EXOC6B: variants seen among roughly 807,000 people sequenced by gnomAD.
EXOC6B encodes the protein exocyst complex component 6B.
EXOC6B carries 54 observed loss-of-function variants against 113.5 expected under a neutral mutation model. The ratio of observed to expected loss-of-function variants is 0.48; its 90% CI spans 0.38 to 0.60. EXOC6B has a LOEUF of 0.60. EXOC6B is among the 20% of genes least tolerant of loss of function. The pLI is 0.00. For missense variants in EXOC6B, 797 were observed against 977.5 expected (o/e 0.82, Z 2.46); for synonymous variants, 357 against 339.0 (o/e 1.05, Z -0.58).
At chr2:72,627,468 C>G (rs1156561533) in intron 6 of EXOC6B, among the ~76,000 whole-genome samples, 1 of 152,108 alleles carries the variant, frequency 6.6e-6, no homozygotes, top group Non-Finnish European at 1.5e-5. Context: ...AGTATTCCAT[C>G]CATATAAATC....
chr2:72,477,011 C>T (rs905278802), intron 17 of EXOC6B, among the ~76,000 whole-genome samples: 7 of 152,128 alleles, frequency 4.6e-5, no homozygotes, highest in African/African-American at 1.7e-4. Context: ...GAACCTCATC[C>T]TCTTGGGAAT....
At chr2:72,225,147 C>T (rs563465619) in intron 20 of EXOC6B, among the ~76,000 whole-genome samples, 1 of 151,458 alleles carries the variant, frequency 6.6e-6, no homozygotes, top group Admixed American at 6.6e-5. Context: ...GCACCGCGCC[C>T]AGCCTATTTT....
At chr2:72,482,471 T>C (rs1397381064) in intron 16 of EXOC6B, among the ~76,000 whole-genome samples, 1 of 150,514 alleles carries the variant, frequency 6.6e-6, no homozygotes, top group African/African-American at 2.5e-5. Context: ...CTAGGTCTTT[T>C]GGTCTAGTGA....
Position 72,250,537 on chromosome 2 carries a change from T to C in EXOC6B, c.2197-66350A>G, listed in dbSNP as rs1340999254. 2.6e-5 allele frequency among the ~76,000 whole-genome samples: 4 copies of C among 151,672 alleles called. No individual in the cohort carries two copies. In the East Asian group the frequency reaches 7.8e-4, roughly 30 times the overall value. ...TTTGTTTTTTTTTGTAGAGACAGGG[T>C]TTTGCCATGTTGCCCAGGCTGGTCT... On this transcript the variant is annotated intron_variant, in intron 20 of 21. Transcript: ENST00000272427.
chr2:72,701,453 A>C (rs1474203838), intron 6 of EXOC6B, among the ~76,000 whole-genome samples: 1 of 152,174 alleles, frequency 6.6e-6, no homozygotes, highest in Non-Finnish European at 1.5e-5. Context: ...AGGTCTCATC[A>C]GCAAAGTAAA....
At chr2:72,474,048 TG>T (rs1041629842) in intron 17 of EXOC6B, among the ~76,000 whole-genome samples, 20 of 151,510 alleles carry the variant, frequency 1.3e-4, no homozygotes, top group Non-Finnish European at 2.7e-4. Context: ...TTGCCCAACA[TG>T]TTTTTTTTTT....
intron 20 of EXOC6B, among the ~76,000 whole-genome samples, chr2:72,327,503 GATA>G (rs1464155408): frequency 1.3e-5 from 2 of 152,064 alleles, no homozygotes; most frequent in African/African-American, 4.8e-5. Context: ...ATAGTAAGAG[GATA>G]ATGAATAGAA....
intron 6 of EXOC6B, among the ~76,000 whole-genome samples, chr2:72,686,617 T>G (rs1170351883): frequency 2.0e-5 from 3 of 152,192 alleles, no homozygotes; most frequent in Admixed American, 2.0e-4. Flanking sequence ...ACTGAATTCT[T>G]TACTTACCCC....
intron 18 of EXOC6B, among the ~76,000 whole-genome samples, chr2:72,445,437 C>T (rs1385120780): frequency 6.6e-6 from 1 of 152,118 alleles, no homozygotes; most frequent in Non-Finnish European, 1.5e-5. Context: ...GCAGCAGGGC[C>T]CCACTCTACT....
rs58303616 is a variant in EXOC6B, at chr2:72,292,172, AGTGTGTGT to A, written c.2196+42767_2196+42774del. ...GTGGTGGCAGGAGGATCCAGAAGTA[AGTGTGTGT>A]GTGTGTGTGTGTGTGTGTGTGTGTG... On this transcript the variant is annotated intron_variant, in intron 20 of 21. Coordinates refer to ENST00000272427, the MANE Select transcript of EXOC6B (RefSeq NM_015189.3). Among the ~76,000 whole-genome samples, 962 of 139,370 alleles carry A rather than the reference AGTGTGTGT, an allele frequency of 6.9e-3. 7 individuals carry two copies. Among genetic ancestry groups the A allele is most frequent in the African/African-American group, 0.022 (851 of 38,080 alleles). The allele number at this position is 139,370 out of a possible 152,430, so 91.4% of individuals were successfully genotyped here. A position where few individuals can be genotyped will look rare whatever the true frequency, so the allele number is the denominator to read the frequency against.
At chr2:72,479,279 T>C (rs1231514857) in intron 17 of EXOC6B, among the ~76,000 whole-genome samples, 1 of 152,214 alleles carries the variant, frequency 6.6e-6, no homozygotes, top group Non-Finnish European at 1.5e-5. Flanking sequence ...ACATAAAGAA[T>C]ACTTTCTGAT....
chr2:72,289,938 G>C (rs1685682738), intron 20 of EXOC6B, among the ~76,000 whole-genome samples: 1 of 152,184 alleles, frequency 6.6e-6, no homozygotes, highest in Non-Finnish European at 1.5e-5. Context: ...CACCTAATCA[G>C]TTGAAGGCCT....
intron 14 of EXOC6B, 37 bp from the exon 15 acceptor site, chr2:72,495,576 C>G (rs1699992777): frequency 1.8e-6 from 2 of 1,103,038 alleles, no homozygotes; most frequent in Non-Finnish European, 2.7e-6. Context: ...AAGTCACAAA[C>G]CAACGAAGAT....
chr2:72,594,728 T>C (rs924476936), intron 6 of EXOC6B, among the ~76,000 whole-genome samples: 2 of 152,200 alleles, frequency 1.3e-5, no homozygotes, highest in Admixed American at 1.3e-4. Flanking sequence ...TTGACTAATG[T>C]ACCTAAATAT....
intron 20 of EXOC6B, among the ~76,000 whole-genome samples, chr2:72,214,095 T>A (rs941316100): frequency 6.6e-6 from 1 of 152,124 alleles, no homozygotes; most frequent in Non-Finnish European, 1.5e-5. Flanking sequence ...AAAACTAAAG[T>A]CAAGAATACA....
intron 8 of EXOC6B, among the ~76,000 whole-genome samples, chr2:72,541,411 C>A (rs1266316681): frequency 1.3e-5 from 2 of 152,036 alleles, no homozygotes; most frequent in African/African-American, 4.8e-5. Context: ...TTCCTTTCTT[C>A]CTCCCTTTCT....
chr2:72,457,223 G>A (rs1008056238), intron 18 of EXOC6B, among the ~76,000 whole-genome samples: 1 of 152,118 alleles, frequency 6.6e-6, no homozygotes, highest in East Asian at 1.9e-4. Context: ...TGTACTGACA[G>A]TTCTTCACTA....
At chr2:72,612,493 T>TAA (rs369181673) in intron 6 of EXOC6B, among the ~76,000 whole-genome samples, 3 of 147,684 alleles carry the variant, frequency 2.0e-5, no homozygotes, top group African/African-American at 7.4e-5. Context: ...TGCGCTTAAG[T>TAA]AAAAAAAAAA....
intron 1 of EXOC6B, among the ~76,000 whole-genome samples, chr2:72,773,095 G>A (rs1453886267): frequency 7.0e-6 from 1 of 143,192 alleles, no homozygotes; most frequent in African/African-American, 2.7e-5. Flanking sequence ...ATTTAAATTT[G>A]CTAAGACAGT....
Sources: allele counts gnomAD v4.1 joint callset (sites outside exome capture counted in the v4.1 genomes callset), GRCh38; gene constraint gnomAD v4.1.1; transcripts MANE v1.5; gene names NCBI Gene and HGNC (gene_info 2026-07-23, HGNC 2026-07-21).